TTN: variants seen among roughly 807,000 people sequenced by gnomAD.
The protein encoded by TTN is titin, also known as connectin.
A neutral mutation model predicts 3,223.0 loss-of-function variants in TTN; 1,525 were observed. The ratio of observed to expected loss-of-function variants is 0.47; its 90% confidence interval spans 0.45 to 0.49. The LOEUF (loss-of-function observed/expected upper bound fraction) is 0.49. TTN is among the 20% of genes least tolerant of loss of function. The pLI is 0.00. For synonymous variants in TTN, 14,094 were observed against 15,161.0 expected (o/e 0.93, Z 5.17); for missense variants, 40,786 against 43,424.0 (o/e 0.94, Z 5.40).
At position 178,784,261 on chromosome 2, in the gene TTN, G is replaced by A. The variant is rs1393348431; in HGVS notation, c.2584C>T (p.Pro862Ser). The part of the protein sequence containing the change: ...AQKITKSVKA[P>S]TVKPSETRVR... ...CTAGTCTCACTGGGCTTCACAGTAGGAGCCTTCACCGATTTGGTGATCTTC... is the reference window on the plus strand; with the variant it reads ...CTAGTCTCACTGGGCTTCACAGTAGAAGCCTTCACCGATTTGGTGATCTTC... Residue 862 changes from proline to serine, a missense_variant, in exon 16 of 363, where the codon CCT (proline) becomes TCT (serine). Pro to Ser is a moderately conservative substitution (Grantham distance 74). Coordinates refer to ENST00000589042, the MANE Select transcript of TTN (RefSeq NM_001267550.2). The A allele has an allele frequency of 1.2e-6, 2 of 1,613,982 alleles. No homozygotes were observed. The highest frequency in any genetic ancestry group is 1.7e-6 in the Non-Finnish European group (2 of 1,180,002).
intron 6 of TTN, 71 bp from the exon 7 acceptor site, chr2:178,795,323 A>G (rs2093709624): frequency 5.4e-6 from 8 of 1,470,148 alleles, no homozygotes; most frequent in African/African-American, 1.4e-5. Flanking sequence ...TCATGAGATG[A>G]AAAGCTGGAA....
At position 178,568,320 on chromosome 2, in the gene TTN, A is replaced by T. The variant is rs1052501136; in HGVS notation, c.77812T>A (p.Trp25938Arg). The change falls in exon 326 of 363, where the codon TGG becomes AGG. Residue 25938 changes from tryptophan to arginine, a missense_variant. By Grantham distance (101) the Trp-to-Arg change is moderately radical. Transcript: ENST00000589042. ...VQKRDTTTTV[W>R]DVVSATVART... ...GCAACAGTAGCAGAAACAACATCCC[A>T]TACTGTGGTGGTTGTATCTCTTTTC... The T allele has an allele frequency of 1.2e-5, 20 of 1,613,350 alleles. No individual in the cohort carries two copies. The highest frequency in any genetic ancestry group is 1.5e-5 in the Non-Finnish European group (18 of 1,179,634).
Position 178,561,693 on chromosome 2 carries a change from C to A in TTN, c.84439G>T (p.Val28147Phe), listed in dbSNP as rs1318887192. The A allele has an allele frequency of 6.2e-7, 1 of 1,607,536 alleles. No individual in the cohort carries two copies. The highest frequency in any genetic ancestry group is 2.2e-5 in the East Asian group (1 of 44,674). Reference sequence around the variant, plus strand: ...GGGGGACTGAATGGATACTCTGCAACAACAGCTGAAGATTCACTGTAGGAG... The same window carrying A: ...GGGGGACTGAATGGATACTCTGCAAAAACAGCTGAAGATTCACTGTAGGAG... ...KSSYSESSAVVAEYPFSPPGP... is the reference protein window; with the variant it reads ...KSSYSESSAVFAEYPFSPPGP... The change falls in exon 326 of 363, where the codon GTT becomes TTT. Residue 28147 changes from valine to phenylalanine, a missense_variant. Coordinates refer to ENST00000589042, the MANE Select transcript of TTN (RefSeq NM_001267550.2).
rs1193943076 is a variant in TTN at position 178,566,142 on chromosome 2, TAAG to T, written c.79987_79989del (p.Leu26663del). 1 of 1,613,634 alleles carries T rather than the reference TAAG, an allele frequency of 6.2e-7. No individual in the cohort carries two copies. Among genetic ancestry groups the T allele is most frequent in the South Asian group, 1.1e-5 (1 of 91,068 alleles). On this transcript the variant is annotated inframe_deletion, in exon 326 of 363. Coordinates refer to ENST00000589042, the MANE Select transcript of TTN (RefSeq NM_001267550.2). The stretch of plus-strand genomic sequence containing the variant: ...TTTGATCCACTGCTGTTTTCCAACT[TAAG>T]AATGTATTTTCCAGCATCATTTCTA...
intron 228 of TTN, 127 bp downstream of exon 228, chr2:178,635,038 C>T: frequency 1.4e-6 from 2 of 1,436,764 alleles, no homozygotes; most frequent in East Asian, 2.3e-5. Context: ...TTCTTTCCTT[C>T]TTGGAGACTT....
rs571052514 is a variant in TTN, at chr2:178,710,055, G to A, written c.28463-199C>T. 2.6e-5 allele frequency among the ~76,000 whole-genome samples: 4 copies of A among 152,240 alleles called. No individual in the cohort carries two copies. In the South Asian group the frequency reaches 6.2e-4, roughly 24 times the overall value. ...TAAACTGTTCTTTGACTTACAAGGT[G>A]GATGATAAGAAGTAACTCATGGCCA... On this transcript the variant is annotated intron_variant, in intron 98 of 362. Coordinates refer to ENST00000589042, the MANE Select transcript of TTN (RefSeq NM_001267550.2).
Position 178,543,496 on chromosome 2 carries a change from GC to G in TTN, c.96476del (p.Cys32159SerfsTer12). Reference sequence around the variant, plus strand: ...CAGAAATTCTGTAAAGTGTCTTGCTGCATTTGGTAGTTACTGTTTTGAATGC... The same window carrying G: ...CAGAAATTCTGTAAAGTGTCTTGCTGATTTGGTAGTTACTGTTTTGAATGC... Reference protein sequence around the residue: ...MRAFKTVTTKCSKTLYRISGL... With the variant: ...MRAFKTVTTKXSKTLYRISGL... On this transcript the variant is annotated frameshift_variant, in exon 347 of 363. Coordinates refer to ENST00000589042, the MANE Select transcript of TTN (RefSeq NM_001267550.2). LOFTEE classifies it high-confidence loss of function. The G allele has an allele frequency of 6.2e-7, 1 of 1,613,664 alleles. No homozygotes were observed. Among genetic ancestry groups the G allele is most frequent in the Non-Finnish European group, 8.5e-7 (1 of 1,179,742 alleles).
chr2:178,721,060 C>G lies in TTN; in HGVS notation c.22959G>C (p.Trp7653Cys). 6.2e-7 allele frequency: 1 copy of G among 1,613,238 alleles called. No homozygotes were observed. The highest frequency in any genetic ancestry group is 1.1e-5 in the South Asian group (1 of 91,036). ...FRNDSELHES[W>C]KYNMSFINSV... ...AATTAATGAATGACATGTTGTATTT[C>G]CAACTTTCATGAAGTTCGCTGTCAT... is the stretch of plus-strand genomic sequence containing the variant. Residue 7653 changes from tryptophan (W) to cysteine (C), a missense_variant, in exon 79 of 363, where the codon TGG (tryptophan) becomes TGC (cysteine). Physicochemically the swap from Trp to Cys is radical, Grantham distance 215 (BLOSUM62 -2). Coordinates refer to ENST00000589042, the MANE Select transcript of TTN (RefSeq NM_001267550.2).
chr2:178,703,327 A>T (rs1415445562), intron 106 of TTN, among the ~76,000 whole-genome samples: 1 of 152,188 alleles, frequency 6.6e-6, no homozygotes, highest in African/African-American at 2.4e-5. Context: ...TTACTAAAGA[A>T]TTATATTAAA....
chr2:178,625,416 G>T lies in TTN; in HGVS notation c.44425-20C>A. 6.5e-7 allele frequency: 1 copy of T among 1,536,682 alleles called. No individual in the cohort carries two copies. The highest frequency in any genetic ancestry group is 8.7e-7 in the Non-Finnish European group (1 of 1,151,624). On this transcript the variant is annotated intron_variant, in intron 240 of 362. Coordinates refer to ENST00000589042, the MANE Select transcript of TTN (RefSeq NM_001267550.2). ...GACCACCTAGTTGTTTTTAAAAAAA[G>T]AATACATGAAACAGCAATCTAGTAT...
rs2154354688 is a variant in TTN at position 178,792,159 on chromosome 2, T to A, written c.1575A>T (p.Val525=). ...KETEKTFVPK[V]VISAAKAKEQ... Reference sequence around the variant, plus strand: ...CTTTGGCTTTAGCTGCGGAAATTACTACCTTTGGTACAAATGTTTTTTCAG... The same window carrying A: ...CTTTGGCTTTAGCTGCGGAAATTACAACCTTTGGTACAAATGTTTTTTCAG... The change falls in exon 10 of 363, where the codon GTA becomes GTT. Residue 525 remains valine, a synonymous_variant. Coordinates refer to ENST00000589042, the MANE Select transcript of TTN (RefSeq NM_001267550.2). 4 of 1,609,692 alleles carry A rather than the reference T, an allele frequency of 2.5e-6. No homozygotes were observed. Among genetic ancestry groups the A allele is most frequent in the Non-Finnish European group, 3.4e-6 (4 of 1,178,998 alleles).
chr2:178,755,549 G>A (rs1263027146), intron 46 of TTN, among the ~76,000 whole-genome samples: 1 of 151,966 alleles, frequency 6.6e-6, no homozygotes, highest in Non-Finnish European at 1.5e-5. Context: ...GATTCTCCTG[G>A]CCTCAGCCTC....
chr2:178,765,938 C>A (rs2090309376), intron 41 of TTN, among the ~76,000 whole-genome samples: 1 of 152,140 alleles, frequency 6.6e-6, no homozygotes, highest in South Asian at 2.1e-4. Context: ...CTGAGGCTCT[C>A]TAGGCCTTCC....
In TTN at chr2:178,654,243, G is replaced by A. The variant is rs752559176; in HGVS notation, c.38345C>T (p.Ala12782Val). ...TGGGGCTTCCGGTTTTTTGGGCACAGCCACAGATACTTTCTTTTCAAGTAC... is the reference window on the plus strand; with the variant it reads ...TGGGGCTTCCGGTTTTTTGGGCACAACCACAGATACTTTCTTTTCAAGTAC... Reference protein sequence around the residue: ...EVVLEKKVSVAVPKKPEAPRA... With the variant: ...EVVLEKKVSVVVPKKPEAPRA... The change falls in exon 193 of 363, where the codon GCT becomes GTT. Residue 12782 changes from alanine to valine, a missense_variant. Physicochemically the swap from Ala to Val is moderately conservative, Grantham distance 64. Coordinates refer to ENST00000589042, the MANE Select transcript of TTN (RefSeq NM_001267550.2). 6.3e-7 allele frequency: 1 copy of A among 1,599,728 alleles called. No homozygotes were observed. Among genetic ancestry groups the A allele is most frequent in the African/African-American group, 1.3e-5 (1 of 74,420 alleles).
At chr2:178,688,046 C>T in intron 127 of TTN, 65 bp downstream of exon 127, 1 of 1,362,186 alleles carries the variant, frequency 7.3e-7, no homozygotes. Flanking sequence ...GGTCTGTAGA[C>T]AATTTGTGAA....
In TTN at chr2:178,620,354, G is replaced by A. The variant is rs72677227; in HGVS notation, c.46167C>T (p.Ala15389=). The change falls in exon 248 of 363, where the codon GCC becomes GCT. Residue 15389 remains alanine (A), a synonymous_variant. Transcript: ENST00000589042. ...KSVAELLIIE[A]PTEFVEHLED... ...CCAAGTGTTCCACAAATTCTGTCGG[G>A]GCTTCTATGATGAGAAGCTCAGCAA... The A allele has an allele frequency of 1.2e-6, 2 of 1,605,820 alleles. No homozygotes were observed. The highest frequency in any genetic ancestry group is 2.2e-5 in the South Asian group (2 of 89,924).
In TTN at chr2:178,565,149, C is replaced by T. The variant is rs397517719; in HGVS notation, c.80983G>A (p.Glu26995Lys). The T allele has an allele frequency of 2.0e-4, 321 of 1,613,204 alleles. No homozygotes were observed. Among genetic ancestry groups the T allele is most frequent in the South Asian group, 1.5e-3 (138 of 90,976 alleles). Residue 26995 changes from glutamate to lysine, a missense_variant, in exon 326 of 363, where the codon GAA (glutamate) becomes AAA (lysine). Physicochemically the swap from Glu to Lys is moderately conservative, Grantham distance 56. Coordinates refer to ENST00000589042, the MANE Select transcript of TTN (RefSeq NM_001267550.2). ...VSADFVVISW[E>K]PPAYTGGCQI... ...CAGCCACCAGTATAGGCTGGAGGTT[C>T]CCAAGATATGACTACAAAGTCTGCA...
rs2049363423 is a variant in TTN, at chr2:178,587,807, A to G, written c.63509-7T>C. 1 of 1,590,120 alleles carries G rather than the reference A, an allele frequency of 6.3e-7. No individual in the cohort carries two copies. The highest frequency in any genetic ancestry group is 2.2e-5 in the East Asian group (1 of 44,452). On this transcript the variant is annotated splice_polypyrimidine_tract_variant and splice_region_variant and intron_variant, in intron 305 of 362. Transcript: ENST00000589042. Reference sequence around the variant, plus strand: ...AAATCAATCTCCGGAGGTTCTGCAAATGACATTAAGGTCATTAATTGATTT... The same window carrying G: ...AAATCAATCTCCGGAGGTTCTGCAAGTGACATTAAGGTCATTAATTGATTT...
Position 178,723,516 on chromosome 2 carries a change from T to C in TTN, c.21584A>G (p.Glu7195Gly), listed in dbSNP as rs2078794868. Residue 7195 changes from glutamate to glycine, a missense_variant, in exon 74 of 363, where the codon GAA (glutamate) becomes GGA (glycine). Coordinates refer to ENST00000589042, the MANE Select transcript of TTN (RefSeq NM_001267550.2). ...CTGAGATATGTCAATATTAAATAAT[T>C]CCAGTTCTGCCACAGTGTCTTCAAA... ...IYFEDTVAELELFNIDISQSG... is the reference protein window; with the variant it reads ...IYFEDTVAELGLFNIDISQSG... The C allele has an allele frequency of 6.2e-7, 1 of 1,613,288 alleles. No individual in the cohort carries two copies. Among genetic ancestry groups the C allele is most frequent in the East Asian group, 2.2e-5 (1 of 44,810 alleles).
Sources: allele counts gnomAD v4.1 joint callset (sites outside exome capture counted in the v4.1 genomes callset), GRCh38; gene constraint gnomAD v4.1.1; transcripts MANE v1.5; gene names NCBI Gene and HGNC (gene_info 2026-07-23, HGNC 2026-07-21).